The following LASP1 variants were observed in gnomAD, a reference collection of about 807,000 sequenced individuals.
The protein encoded by LASP1 is LIM and SH3 protein 1.
LASP1 carries 10 observed loss-of-function variants against 38.6 expected under a neutral mutation model. The ratio of observed to expected loss-of-function variants is 0.26; its 90% CI spans 0.16 to 0.44. LASP1 has a LOEUF of 0.44. Among genes scored for constraint, LASP1 ranks in the 20% least tolerant of loss-of-function variants. LASP1 has a pLI of 1.00. For missense variants in LASP1, 243 were observed against 375.7 expected, an observed-to-expected ratio of 0.65 and a Z score of 2.92; for synonymous variants, 132 against 140.8, an observed-to-expected ratio of 0.94 and a Z score of 0.44.
chr17:38,891,665 A>G (rs183629762), intron 3 of LASP1, among the ~76,000 whole-genome samples: 15 of 152,304 alleles, frequency 9.8e-5, no homozygotes, highest in African/African-American at 3.6e-4. Flanking sequence ...CTGTAGCATC[A>G]CTTCACTTCA....
chr17:38,886,430 T>A (rs1470631271), intron 2 of LASP1, among the ~76,000 whole-genome samples: 1 of 151,894 alleles, frequency 6.6e-6, no homozygotes, highest in Non-Finnish European at 1.5e-5. Context: ...GGCTCTGGAG[T>A]GCCTCTTTAA....
chr17:38,883,990 G>A (rs868730814), intron 2 of LASP1, among the ~76,000 whole-genome samples: 6 of 151,094 alleles, frequency 4.0e-5, no homozygotes, highest in Non-Finnish European at 7.4e-5. Context: ...TTTGGAATCC[G>A]CAGCTCTTTC....
chr17:38,888,303 TAG>T (rs1914205823), intron 2 of LASP1, among the ~76,000 whole-genome samples: 1 of 151,496 alleles, frequency 6.6e-6, no homozygotes, highest in Non-Finnish European at 1.5e-5. Flanking sequence ...TTTTTTGAGA[TAG>T]AGTCTTGCTC....
chr17:38,914,677 GACAC>G (rs10599326), intron 5 of LASP1, among the ~76,000 whole-genome samples: 35,668 of 146,502 alleles, frequency 0.24, 4,892 homozygotes, highest in African/African-American at 0.38. Flanking sequence ...GCGAGAGACA[GACAC>G]ACACACACAC....
intron 4 of LASP1, among the ~76,000 whole-genome samples, chr17:38,907,284 G>A (rs1259100227): frequency 6.6e-6 from 1 of 152,084 alleles, no homozygotes; most frequent in East Asian, 1.9e-4. Context: ...TTGCATGCCT[G>A]GTGTCCCTCT....
At chr17:38,877,606 C>A (rs1267735537) in intron 1 of LASP1, among the ~76,000 whole-genome samples, 3 of 152,142 alleles carry the variant, frequency 2.0e-5, no homozygotes, top group African/African-American at 7.2e-5. Flanking sequence ...CTAGGAGCAC[C>A]TGGGTTCTGG....
rs1166587773 is a variant in LASP1 at position 38,918,797 on chromosome 17, T to G, written c.*19T>G. On this transcript the variant is annotated 3_prime_UTR_variant, in exon 7 of 7. Transcript: ENST00000318008. The surrounding 1 kb of genome is among the most constrained non-coding windows in gnomAD (Gnocchi z 4.4). The stretch of plus-strand genomic sequence containing the variant: ...CATCTGAACCCGCAGCGCCCCCATC[T>G]GTCTTCAGCACATTCCACGGCATCG... 1 of 1,612,474 alleles carries G rather than the reference T, an allele frequency of 6.2e-7. No homozygotes were observed.
intron 2 of LASP1, among the ~76,000 whole-genome samples, chr17:38,881,459 AG>A (rs1366534854): frequency 6.6e-6 from 1 of 152,048 alleles, no homozygotes; most frequent in Non-Finnish European, 1.5e-5. Flanking sequence ...TTTTGTAGAG[AG>A]GAGGGCTTGT....
At chr17:38,896,405 C>A (rs973060522) in intron 3 of LASP1, among the ~76,000 whole-genome samples, 1 of 152,168 alleles carries the variant, frequency 6.6e-6, no homozygotes, top group Non-Finnish European at 1.5e-5. Flanking sequence ...TTCTCAGCCC[C>A]TACCCCTCAC....
chr17:38,914,544 AAGAC>A (rs762554799), intron 5 of LASP1, 69 bp downstream of exon 5: 9 of 1,510,992 alleles, frequency 6.0e-6, no homozygotes, highest in South Asian at 2.6e-5. Context: ...AAGCCAGGAG[AAGAC>A]AGACAGACAG....
At chr17:38,910,250 G>T (rs950242367) in intron 4 of LASP1, among the ~76,000 whole-genome samples, 1 of 152,238 alleles carries the variant, frequency 6.6e-6, no homozygotes, top group Non-Finnish European at 1.5e-5. Context: ...GGGCCAGGTA[G>T]GAGGTATCTC....
intron 2 of LASP1, among the ~76,000 whole-genome samples, chr17:38,884,756 TCTCGG>T (rs1914064503): frequency 6.9e-6 from 1 of 144,974 alleles, no homozygotes; most frequent in Admixed American, 7.0e-5. Context: ...AGAGGTGTGA[TCTCGG>T]CTCACTACAA....
At chr17:38,897,694 G>T (rs1012793212) in intron 3 of LASP1, among the ~76,000 whole-genome samples, 48 of 152,294 alleles carry the variant, frequency 3.2e-4, no homozygotes, top group African/African-American at 1.1e-3. Context: ...TCTGACCCCC[G>T]CTGCTTTCCT....
rs34195987 is a variant in LASP1, at chr17:38,913,788, G to A, written c.358-537G>A. 5.7e-3 allele frequency among the ~76,000 whole-genome samples: 865 copies of A among 152,254 alleles called. 5 individuals carry two copies. The highest frequency in any genetic ancestry group is 0.02 in the African/African-American group (828 of 41,536). On this transcript the variant is annotated intron_variant, in intron 4 of 6. Coordinates refer to ENST00000318008, the MANE Select transcript of LASP1 (RefSeq NM_006148.4). The stretch of plus-strand genomic sequence containing the variant: ...AGGCCGAGGCGGGTGGATCACCTGA[G>A]GTCAGGAGTTTGAGACCAGCCTGGT...
intron 2 of LASP1, among the ~76,000 whole-genome samples, chr17:38,879,811 C>T (rs1913890565): frequency 6.6e-6 from 1 of 152,080 alleles, no homozygotes; most frequent in Non-Finnish European, 1.5e-5. Flanking sequence ...ATAATACATA[C>T]TAACCTGCAC....
At chr17:38,875,990 G>A (rs994836286) in intron 1 of LASP1, among the ~76,000 whole-genome samples, 3 of 152,090 alleles carry the variant, frequency 2.0e-5, no homozygotes, top group Non-Finnish European at 4.4e-5. Context: ...AGGTCACTCA[G>A]GTGGCCTGGA....
In LASP1 at chr17:38,902,372, C is replaced by CT. The variant is rs34801327; in HGVS notation, c.357+3876dup. ...CACCTCACCTGGCCTCCCAGGGGAGCTTTTTTTTTTTTTTTTTTTTTTTAA... is the reference window on the plus strand; with the variant it reads ...CACCTCACCTGGCCTCCCAGGGGAGCTTTTTTTTTTTTTTTTTTTTTTTTAA... On this transcript the variant is annotated intron_variant, in intron 4 of 6. Transcript: ENST00000318008. Among the ~76,000 whole-genome samples the CT allele has an allele frequency of 5.2e-3, 436 of 84,266 alleles. 5 individuals are homozygous for CT. Among genetic ancestry groups the CT allele is most frequent in the Middle Eastern group, 9.1e-3 (1 of 110 alleles). The allele number at this position is 84,266 out of a possible 152,430, so 55.3% of individuals were successfully genotyped here.
intron 6 of LASP1, chr17:38,915,939 T>G (rs4541106): frequency 0.1 from 15,225 of 152,232 alleles, 868 homozygotes; most frequent in East Asian, 0.17. Flanking sequence ...TAAAATCGCC[T>G]GAGATAATGG....
intron 4 of LASP1, among the ~76,000 whole-genome samples, chr17:38,899,520 A>G (rs532855876): frequency 6.6e-6 from 1 of 152,318 alleles, no homozygotes; most frequent in East Asian, 1.9e-4. Context: ...TGGGCCGTGC[A>G]TAGAGTGGGC....
Sources: gnomAD v4.1 joint callset for allele counts (sites outside exome capture counted in the v4.1 genomes callset) on GRCh38, gnomAD v4.1.1 for gene constraint, Gnocchi (gnomAD v3.1) non-coding constraint, MANE v1.5 for transcripts, NCBI Gene and HGNC (gene_info 2026-07-23, HGNC 2026-07-21) for gene names.